NUF2: variants seen among roughly 807,000 people sequenced by gnomAD.
NUF2 encodes NUF2 component of NDC80 kinetochore complex.
Under a neutral mutation model 61.8 loss-of-function variants are expected in NUF2, and 34 were observed. The observed-to-expected ratio is 0.55, with a 90% confidence interval of 0.42 to 0.73. The LOEUF (loss-of-function observed/expected upper bound fraction) is 0.73. NUF2 is among the 30% of genes least tolerant of loss of function. NUF2 has a pLI of 0.00. For synonymous variants in NUF2, 172 were observed against 181.6 expected (o/e 0.95, Z 0.42); for missense variants, 445 against 539.1 (o/e 0.83, Z 1.73).
intron 5 of NUF2, 113 bp downstream of exon 5, chr1:163,329,020 C>T: frequency 3.8e-6 from 2 of 524,902 alleles, no homozygotes; most frequent in South Asian, 3.7e-5. Flanking sequence ...AAGGAAATTG[C>T]CTTTAAAAAG....
intron 9 of NUF2, among the ~76,000 whole-genome samples, chr1:163,342,099 C>T (rs538487507): frequency 7.9e-5 from 12 of 152,166 alleles, no homozygotes; most frequent in Admixed American, 2.6e-4. Flanking sequence ...ATAGAAAGGA[C>T]GGTCCTATTC....
intron 8 of NUF2, among the ~76,000 whole-genome samples, chr1:163,340,047 A>T (rs985541093): frequency 2.6e-5 from 4 of 152,236 alleles, no homozygotes; most frequent in Admixed American, 2.6e-4. Context: ...CCCAATAGGT[A>T]CATACATCTA....
At chr1:163,325,013 C>T (rs536681925) in intron 1 of NUF2, among the ~76,000 whole-genome samples, 36 of 151,622 alleles carry the variant, frequency 2.4e-4, no homozygotes, top group African/African-American at 7.5e-4. Context: ...CCTCCCACCT[C>T]AGCCTCCCAA....
In NUF2 at chr1:163,355,503, T is replaced by C. The variant is rs754758150; in HGVS notation, c.*34T>C. The C allele has an allele frequency of 1.9e-6, 3 of 1,554,336 alleles. No individual in the cohort carries two copies. Among genetic ancestry groups the C allele is most frequent in the Non-Finnish European group, 2.6e-6 (3 of 1,150,736 alleles). On this transcript the variant is annotated 3_prime_UTR_variant, in exon 14 of 14. Coordinates refer to ENST00000271452, the MANE Select transcript of NUF2 (RefSeq NM_145697.3). Reference sequence around the variant, plus strand: ...ATTACATGTCTTTTTGTAAATGGCTTGCCATCTTTTAATTTTCTATTTAGA... The same window carrying C: ...ATTACATGTCTTTTTGTAAATGGCTCGCCATCTTTTAATTTTCTATTTAGA...
chr1:163,344,469 A>AAG (rs1651052880), intron 10 of NUF2, among the ~76,000 whole-genome samples: 1 of 150,834 alleles, frequency 6.6e-6, no homozygotes, highest in African/African-American at 2.4e-5. Flanking sequence ...ATAAAAAAAA[A>AAG]GACGCTTTTC....
In NUF2 at chr1:163,347,893, A is replaced by C. The variant is rs933653468; in HGVS notation, c.1079A>C (p.Asn360Thr). 1.9e-6 allele frequency: 3 copies of C among 1,607,062 alleles called. No homozygotes were observed. In the African/African-American group the frequency reaches 4.0e-5, roughly 22 times the overall value. The change falls in exon 12 of 14, where the codon AAT becomes ACT. Residue 360 changes from asparagine (N) to threonine (T), a missense_variant. Physicochemically the swap from Asn to Thr is moderately conservative, Grantham distance 65. Transcript: ENST00000271452. ...EKLATAQFKI[N>T]KKHEDVKQYK... ...CTTGCCACAGCACAATTCAAAATAAATAAGAAGCATGAAGATGTTAAGCAA... is the reference window on the plus strand; with the variant it reads ...CTTGCCACAGCACAATTCAAAATAACTAAGAAGCATGAAGATGTTAAGCAA...
At chr1:163,329,541 G>A (rs1219292716) in intron 5 of NUF2, among the ~76,000 whole-genome samples, 1 of 152,148 alleles carries the variant, frequency 6.6e-6, no homozygotes, top group African/African-American at 2.4e-5. Flanking sequence ...TGGAAGCTTA[G>A]TCATGACAGA....
chr1:163,326,282 C>A lies in NUF2; in HGVS notation c.123+108C>A, dbSNP rs186821605. Reference sequence around the variant, plus strand: ...GATATGGCCTCCTATTTGATGGAGACCAGTCATTTTCATTGAGAGAGAATC... The same window carrying A: ...GATATGGCCTCCTATTTGATGGAGAACAGTCATTTTCATTGAGAGAGAATC... On this transcript the variant is annotated intron_variant, in intron 2 of 13. Coordinates refer to ENST00000271452, the MANE Select transcript of NUF2 (RefSeq NM_145697.3). The A allele has an allele frequency of 5.6e-5, 53 of 951,404 alleles. No individual in the cohort carries two copies. In the East Asian group the frequency reaches 1.1e-3, roughly 19 times the overall value. The allele number at this position is 951,404 out of a possible 1,614,324, so 58.9% of individuals were successfully genotyped here.
chr1:163,342,298 A>G (rs575248478), intron 9 of NUF2, among the ~76,000 whole-genome samples: 8 of 151,684 alleles, frequency 5.3e-5, no homozygotes, highest in African/African-American at 1.9e-4. Flanking sequence ...TTTATTGTTT[A>G]TTTATTTCTG....
chr1:163,338,020 A>T lies in NUF2; in HGVS notation c.436A>T (p.Lys146Ter). The T allele has an allele frequency of 6.2e-7, 1 of 1,612,538 alleles. No homozygotes were observed. The highest frequency in any genetic ancestry group is 8.5e-7 in the Non-Finnish European group (1 of 1,178,684). The change falls in exon 7 of 14, where the codon AAA (lysine) becomes TAA (stop). Residue 146 changes from lysine (K) to a stop codon, truncating the protein, a stop_gained and splice_region_variant. Transcript: ENST00000271452. LOFTEE classifies it high-confidence loss of function. Reference protein sequence around the residue: ...ETYMEFLWQYKSSADKMQQLN... With the variant: ...ETYMEFLWQY ...GAGATGATTAAAATTGCTTTAATAG[A>T]AATCCTCTGCGGACAAAATGCAACA... is the stretch of plus-strand genomic sequence containing the variant.
In NUF2 at chr1:163,328,247, T is replaced by C. The variant is rs149980165; in HGVS notation, c.218T>C (p.Val73Ala). The change falls in exon 4 of 14, where the codon GTC becomes GCC. Residue 73 changes from valine to alanine, a missense_variant. By Grantham distance (64) the Val-to-Ala change is moderately conservative. Coordinates refer to ENST00000271452, the MANE Select transcript of NUF2 (RefSeq NM_145697.3). ...HFYMMPVNSE[V>A]MYPHLMEGFL... ...ATTTAGATGCCAGTGAACTCTGAAG[T>C]CATGTATCCACATTTAATGGAAGGC... is the stretch of plus-strand genomic sequence containing the variant. 8.0e-4 allele frequency: 1,282 copies of C among 1,608,270 alleles called. 3 individuals carry two copies. The highest frequency in any genetic ancestry group is 1.0e-3 in the Non-Finnish European group (1,198 of 1,176,838).
chr1:163,342,064 A>G (rs937705159), intron 9 of NUF2, among the ~76,000 whole-genome samples: 1 of 152,136 alleles, frequency 6.6e-6, no homozygotes, highest in Non-Finnish European at 1.5e-5. Context: ...TACGGCCTTT[A>G]TGGTTTTTGG....
chr1:163,347,637 T>A, intron 11 of NUF2, 126 bp from the exon 12 acceptor site: 1 of 672,052 alleles, frequency 1.5e-6, no homozygotes. Flanking sequence ...GACTTTCAGG[T>A]TTTAAAGAGT....
chr1:163,352,737 G>A (rs542119828), intron 13 of NUF2, among the ~76,000 whole-genome samples: 145 of 152,238 alleles, frequency 9.5e-4, no homozygotes, highest in African/African-American at 3.3e-3. Flanking sequence ...GTGGTGGCGG[G>A]CGCCTGTAGT....
At chr1:163,338,214 G>T in intron 7 of NUF2, 121 bp downstream of exon 7, 2 of 537,072 alleles carry the variant, frequency 3.7e-6, no homozygotes, top group Non-Finnish European at 3.2e-6. Context: ...ATAAATAGCA[G>T]AGTATTTGAG....
chr1:163,347,857 A>G lies in NUF2; in HGVS notation c.1043A>G (p.Lys348Arg), dbSNP rs1651184158. The change falls in exon 12 of 14, where the codon AAG becomes AGG. Residue 348 changes from lysine to arginine, a missense_variant. Transcript: ENST00000271452. ...ENSFKRLMIV[K>R]KEKLATAQFK... ...TCGTTCAAAAGACTGATGATTGTGAAGAAGGAAAAACTTGCCACAGCACAA... is the reference window on the plus strand; with the variant it reads ...TCGTTCAAAAGACTGATGATTGTGAGGAAGGAAAAACTTGCCACAGCACAA... 1.2e-6 allele frequency: 2 copies of G among 1,612,514 alleles called. No homozygotes were observed. Among genetic ancestry groups the G allele is most frequent in the South Asian group, 1.1e-5 (1 of 90,674 alleles).
intron 1 of NUF2, among the ~76,000 whole-genome samples, chr1:163,325,621 CTGT>C (rs1650391908): frequency 1.3e-5 from 2 of 152,010 alleles, no homozygotes; most frequent in Admixed American, 6.5e-5. Context: ...CCCTATATTA[CTGT>C]TGTTTATATA....
In NUF2 at chr1:163,349,593, C is replaced by T. The variant is rs183612598; in HGVS notation, c.1260+513C>T. Among the ~76,000 whole-genome samples, 401 of 152,128 alleles carry T rather than the reference C, an allele frequency of 2.6e-3. 4 individuals carry two copies. The highest frequency in any genetic ancestry group is 8.2e-3 in the African/African-American group (340 of 41,514). ...CAACTTAGATTGAGGTTTCTAAAAC[C>T]GCTGATACCTGATAAATAGTTAAAC... On this transcript the variant is annotated intron_variant, in intron 13 of 13. Transcript: ENST00000271452.
intron 11 of NUF2, chr1:163,346,192 C>T (rs1328618394): frequency 1.3e-5 from 2 of 152,030 alleles, no homozygotes; most frequent in Admixed American, 1.3e-4. Context: ...TATGTACATA[C>T]CTATGATAAA....
Sources: gnomAD v4.1 joint callset for allele counts (sites outside exome capture counted in the v4.1 genomes callset) on GRCh38, gnomAD v4.1.1 for gene constraint, MANE v1.5 for transcripts, NCBI Gene and HGNC (gene_info 2026-07-23, HGNC 2026-07-21) for gene names.